PCGF3: variants seen among roughly 807,000 people sequenced by gnomAD.
PCGF3 encodes polycomb group RING finger protein 3.
In PCGF3, 7 loss-of-function variants were observed where a neutral mutation model predicts 33.1. The ratio of observed to expected loss-of-function variants is 0.21; its 90% CI spans 0.12 to 0.40. PCGF3 has a LOEUF of 0.40. Ranked by LOEUF, PCGF3 falls within the 10% of genes least tolerant of loss-of-function variation. The pLI is 1.00. For synonymous variants in PCGF3, 153 were observed against 121.3 expected (o/e 1.26, Z -1.72); for missense variants, 211 against 313.3 (o/e 0.67, Z 2.46).
chr4:768,859 T>C (rs1745495313), exon 11 of PCGF3: 1 of 152,682 alleles, frequency 6.5e-6, no homozygotes, highest in South Asian at 2.1e-4. Flanking sequence ...TGTATGTTTT[T>C]ATGTGGATGA....
At chr4:768,143 C>A (rs1031861424) in exon 11 of PCGF3, 10 of 152,662 alleles carry the variant, frequency 6.6e-5, no homozygotes, top group African/African-American at 2.2e-4. Flanking sequence ...CACAGACGGG[C>A]GAGTGGCGCC....
intron 1 of PCGF3, among the ~76,000 whole-genome samples, chr4:708,929 C>T (rs1742449041): frequency 6.6e-6 from 1 of 152,202 alleles, no homozygotes; most frequent in East Asian, 1.9e-4. Flanking sequence ...GGTGATCGGG[C>T]TGGGGACGGG....
intron 1 of PCGF3, chr4:723,982 C>G (rs542369827): frequency 1.4e-4 from 21 of 152,532 alleles, no homozygotes; most frequent in African/African-American, 5.1e-4. Context: ...TTGCTCCCTT[C>G]CCCAGCAGCT....
Position 736,657 on chromosome 4 carries a change from A to G in PCGF3, c.207-809A>G, listed in dbSNP as rs1200573912. On this transcript the variant is annotated intron_variant, in intron 5 of 10. Coordinates refer to ENST00000362003, the Ensembl canonical transcript of PCGF3. ...AGGATGCAGGGAACCCGTGGTGTCC[A>G]CAGGGACGGTGTCTCCTGAGCGCAC... Among the ~76,000 whole-genome samples, 83 of 34,706 alleles carry G rather than the reference A, an allele frequency of 2.4e-3. 4 individuals carry two copies. The highest frequency in any genetic ancestry group is 8.4e-3 in the East Asian group (10 of 1,192). 22.8% of individuals were successfully genotyped at this position (34,706 alleles called of 152,430 possible).
At chr4:733,983 C>G in intron 4 of PCGF3, 194 bp downstream of exon 4, 1 of 1,551,276 alleles carries the variant, frequency 6.4e-7, no homozygotes, top group Non-Finnish European at 8.7e-7. Context: ...TGGGTGGTGT[C>G]AGAGCAGATG....
rs1743883819 is a variant in PCGF3 at position 737,441 on chromosome 4, C to T, written c.207-25C>T. 9 of 1,538,144 alleles carry T rather than the reference C, an allele frequency of 5.9e-6. No homozygotes were observed. In the East Asian group the frequency reaches 1.8e-4, roughly 31 times the overall value. On this transcript the variant is annotated intron_variant, in intron 5 of 10. Coordinates refer to ENST00000362003, the Ensembl canonical transcript of PCGF3. ...TTATAGAATTAACATTTCCAGCTAACTCCACCTTTCTGTTCTTTTGCCAGT... is the reference window on the plus strand; with the variant it reads ...TTATAGAATTAACATTTCCAGCTAATTCCACCTTTCTGTTCTTTTGCCAGT...
chr4:767,314 AT>A lies in PCGF3; in HGVS notation c.*1246del, dbSNP rs200807224. The A allele has an allele frequency of 9.3e-3, 1,369 of 146,760 alleles. 8 individuals carry two copies. The highest frequency in any genetic ancestry group is 0.032 in the African/African-American group (1,281 of 40,228). The allele number at this position is 146,760 out of a possible 1,614,324, so 9.1% of individuals were successfully genotyped here. A position where few individuals can be genotyped will look rare whatever the true frequency, so the allele number is the denominator to read the frequency against. On this transcript the variant is annotated 3_prime_UTR_variant, in exon 11 of 11. Transcript: ENST00000362003. The stretch of plus-strand genomic sequence containing the variant: ...TTAGAGAATAAACAGCCACACACAC[AT>A]TTTTTTTTTTCCTTTAAAACAGTAA...
At chr4:737,984 G>C (rs975456704) in intron 6 of PCGF3, among the ~76,000 whole-genome samples, 1 of 152,240 alleles carries the variant, frequency 6.6e-6, no homozygotes, top group Non-Finnish European at 1.5e-5. Context: ...ATACCAAGTA[G>C]TACAAATACC....
At chr4:713,522 G>A (rs1742673179) in intron 1 of PCGF3, among the ~76,000 whole-genome samples, 1 of 124,194 alleles carries the variant, frequency 8.1e-6, no homozygotes, top group Non-Finnish European at 1.8e-5. Context: ...GTCCTGTGTG[G>A]CCTCATGGGT....
intron 1 of PCGF3, among the ~76,000 whole-genome samples, chr4:722,635 C>G (rs1743139560): frequency 7.4e-6 from 1 of 134,366 alleles, no homozygotes; most frequent in South Asian, 2.6e-4. Context: ...TCATCGCCGT[C>G]CGCGCCGGGT....
intron 1 of PCGF3, among the ~76,000 whole-genome samples, chr4:709,243 T>C (rs892745963): frequency 6.6e-6 from 1 of 152,034 alleles, no homozygotes; most frequent in Non-Finnish European, 1.5e-5. Flanking sequence ...GAATGATGCA[T>C]GAACAAATGA....
intron 1 of PCGF3, among the ~76,000 whole-genome samples, chr4:724,249 A>G (rs1743234133): frequency 6.6e-6 from 1 of 152,194 alleles, no homozygotes; most frequent in African/African-American, 2.4e-5. Context: ...AGTGGGTGAC[A>G]AGGAGGCTCA....
At chr4:725,910 C>T (rs1229217740) in intron 1 of PCGF3, among the ~76,000 whole-genome samples, 1 of 152,210 alleles carries the variant, frequency 6.6e-6, no homozygotes, top group Non-Finnish European at 1.5e-5. Flanking sequence ...ACTGGCCTCC[C>T]CATTTCAGGA....
chr4:760,603 C>G (rs1261409086), intron 8 of PCGF3, among the ~76,000 whole-genome samples: 1 of 152,214 alleles, frequency 6.6e-6, no homozygotes, highest in Admixed American at 6.5e-5. Context: ...TTTTTAGGCC[C>G]TAACTGTGCC....
chr4:756,740 TTTATC>T (rs1744785449), intron 8 of PCGF3, among the ~76,000 whole-genome samples: 1 of 152,150 alleles, frequency 6.6e-6, no homozygotes, highest in South Asian at 2.1e-4. Flanking sequence ...CCAGAGCCTT[TTTATC>T]TTCCCAAACT....
intron 1 of PCGF3, among the ~76,000 whole-genome samples, chr4:714,456 T>C (rs1742718791): frequency 6.6e-6 from 1 of 152,226 alleles, no homozygotes. Flanking sequence ...CCCACACCGC[T>C]ACAACCCCAC....
At chr4:761,674 A>T in intron 9 of PCGF3, 1 of 985,332 alleles carries the variant, frequency 1.0e-6, no homozygotes, top group South Asian at 4.7e-5. Context: ...AGACTGTTTT[A>T]AAATAGGATA....
intron 8 of PCGF3, among the ~76,000 whole-genome samples, chr4:756,816 C>T (rs1040005711): frequency 6.6e-6 from 1 of 152,150 alleles, no homozygotes; most frequent in African/African-American, 2.4e-5. Flanking sequence ...GGTTAGATCG[C>T]AGAGGGGCCT....
chr4:713,130 GCCTC>G (rs1742646885), intron 1 of PCGF3, among the ~76,000 whole-genome samples: 1 of 151,228 alleles, frequency 6.6e-6, no homozygotes, highest in South Asian at 2.1e-4. Flanking sequence ...GGGGGCTGTG[GCCTC>G]GTGGGAGCTG....
Sources: allele counts gnomAD v4.1 joint callset (sites outside exome capture counted in the v4.1 genomes callset), GRCh38; gene constraint gnomAD v4.1.1; transcripts MANE v1.5; gene names NCBI Gene and HGNC (gene_info 2026-07-23, HGNC 2026-07-21).